The following PRKD1 variants were observed in gnomAD, a reference collection of about 807,000 sequenced individuals.
PRKD1 encodes serine/threonine-protein kinase D1.
Under a neutral mutation model 95.9 loss-of-function variants are expected in PRKD1, and 63 were observed. The ratio of observed to expected loss-of-function variants is 0.66; its 90% CI spans 0.54 to 0.81. The LOEUF (loss-of-function observed/expected upper bound fraction) is 0.81. Among genes scored for constraint, PRKD1 ranks in the 30% least tolerant of loss-of-function variants. PRKD1 has a pLI of 0.00. For synonymous variants in PRKD1, 425 were observed against 423.1 expected (o/e 1.00, Z -0.05); for missense variants, 1,048 against 1,165.3 (o/e 0.90, Z 1.47).
At chr14:29,828,884 C>T (rs1481750256) in intron 1 of PRKD1, among the ~76,000 whole-genome samples, 1 of 152,154 alleles carries the variant, frequency 6.6e-6, no homozygotes, top group African/African-American at 2.4e-5. Context: ...TTGCTTCAGC[C>T]GATAGAATGC....
chr14:29,655,162 GA>G (rs1881762205), intron 4 of PRKD1, among the ~76,000 whole-genome samples: 1 of 152,164 alleles, frequency 6.6e-6, no homozygotes, highest in African/African-American at 2.4e-5. Flanking sequence ...TGAAAGGAAA[GA>G]TACTAATTCA....
intron 13 of PRKD1, among the ~76,000 whole-genome samples, chr14:29,606,559 C>T (rs1893710347): frequency 6.6e-6 from 1 of 152,120 alleles, no homozygotes; most frequent in African/African-American, 2.4e-5. Context: ...TAATATCTAG[C>T]TCTTAATAAG....
chr14:29,683,569 T>C (rs557033362), intron 2 of PRKD1, among the ~76,000 whole-genome samples: 2 of 152,242 alleles, frequency 1.3e-5, no homozygotes, highest in Admixed American at 1.3e-4. Flanking sequence ...GAAGTTCTTC[T>C]GAGCCACGTA....
At chr14:29,584,062 G>A (rs1382847757) in intron 16 of PRKD1, among the ~76,000 whole-genome samples, 5 of 152,146 alleles carry the variant, frequency 3.3e-5, no homozygotes, top group South Asian at 4.1e-4. Flanking sequence ...TATTTGCTAG[G>A]TGCACAAGGA....
At chr14:29,779,474 G>A (rs180938335) in intron 1 of PRKD1, among the ~76,000 whole-genome samples, 26 of 152,178 alleles carry the variant, frequency 1.7e-4, no homozygotes, top group Middle Eastern at 3.4e-3. Flanking sequence ...AAAATCACAA[G>A]CATTCCTATA....
At chr14:29,787,455 T>C (rs1412824360) in intron 1 of PRKD1, among the ~76,000 whole-genome samples, 1 of 152,086 alleles carries the variant, frequency 6.6e-6, no homozygotes, top group Non-Finnish European at 1.5e-5. Context: ...TAGTACTGTA[T>C]TGGAGTCTAT....
intron 1 of PRKD1, among the ~76,000 whole-genome samples, chr14:29,916,035 G>A (rs116465436): frequency 0.016 from 2,428 of 152,272 alleles, 43 homozygotes; most frequent in Middle Eastern, 0.048. Context: ...GTAAATGTCA[G>A]GAAGGTTTTG....
In PRKD1 at chr14:29,632,734, GA is replaced by G. The variant is rs112125640; in HGVS notation, c.1392+134del. On this transcript the variant is annotated intron_variant, in intron 9 of 17. Coordinates refer to ENST00000331968, the MANE Select transcript of PRKD1 (RefSeq NM_002742.3). ...CAAGAAATTTGTAGACTATAGAGAA[GA>G]AAAAAAAAATAGTTCCTGGAGGAAG... 1,838 of 676,372 alleles carry G rather than the reference GA, an allele frequency of 2.7e-3. 1 individual carries two copies. Among genetic ancestry groups the G allele is most frequent in the South Asian group, 4.0e-3 (188 of 47,316 alleles). The allele number at this position is 676,372 out of a possible 1,614,324, so 41.9% of individuals were successfully genotyped here.
intron 2 of PRKD1, among the ~76,000 whole-genome samples, chr14:29,700,445 T>C (rs776310947): frequency 2.6e-5 from 4 of 152,216 alleles, no homozygotes; most frequent in Non-Finnish European, 5.9e-5. Context: ...TGCTGACACG[T>C]AGAAGAAGCC....
At chr14:29,804,713 C>G (rs1178851187) in intron 1 of PRKD1, among the ~76,000 whole-genome samples, 2 of 152,100 alleles carry the variant, frequency 1.3e-5, no homozygotes, top group Non-Finnish European at 2.9e-5. Context: ...CTGAGACAAA[C>G]CTCTCAGTGC....
In PRKD1 at chr14:29,893,481, C is replaced by T. The variant is rs8021678; in HGVS notation, c.264+33768G>A. 9.3e-4 allele frequency among the ~76,000 whole-genome samples: 142 copies of T among 152,022 alleles called. 3 individuals are homozygous for T. The highest frequency in any genetic ancestry group is 3.3e-3 in the African/African-American group (137 of 41,506). On this transcript the variant is annotated intron_variant, in intron 1 of 17. Transcript: ENST00000331968. ...CTCACATATTTGGGCCAAAGCTCTT[C>T]CTACCTTATTTCCACTTGTTAAACG...
intron 1 of PRKD1, among the ~76,000 whole-genome samples, chr14:29,924,099 C>T (rs1206055833): frequency 6.6e-6 from 1 of 152,020 alleles, no homozygotes; most frequent in Non-Finnish European, 1.5e-5. Context: ...CACACACTTG[C>T]AAACTAAATA....
intron 1 of PRKD1, among the ~76,000 whole-genome samples, chr14:29,844,544 T>A (rs1007675092): frequency 5.9e-5 from 9 of 152,060 alleles, no homozygotes; most frequent in African/African-American, 2.2e-4. Context: ...CAAAAATATA[T>A]AAATTCAGTA....
At position 29,676,010 on chromosome 14, in the gene PRKD1, A is replaced by G. The variant is rs1053371906; in HGVS notation, c.404-9802T>C. On this transcript the variant is annotated intron_variant, in intron 2 of 17. Coordinates refer to ENST00000331968, the MANE Select transcript of PRKD1 (RefSeq NM_002742.3). The stretch of plus-strand genomic sequence containing the variant: ...GGGGGGTGGGGGGAGGGATAACATT[A>G]GGAGATATACCTAATGTAAATGACG... 2.7e-5 allele frequency among the ~76,000 whole-genome samples: 4 copies of G among 150,750 alleles called. 1 individual carries two copies. Among genetic ancestry groups the G allele is most frequent in the African/African-American group, 7.3e-5 (3 of 41,076 alleles).
In PRKD1 at chr14:29,725,694, G is replaced by T. The variant is rs756695901; in HGVS notation, c.265-20C>A. The T allele has an allele frequency of 1.2e-6, 2 of 1,608,194 alleles. No individual in the cohort carries two copies. The highest frequency in any genetic ancestry group is 2.2e-5 in the East Asian group (1 of 44,806). ...AGGGAACTGCAAATACAAATACCAT[G>T]AGAGTGTAAATGTCAAAATCCTTCC... is the stretch of plus-strand genomic sequence containing the variant. On this transcript the variant is annotated intron_variant, in intron 1 of 17. Transcript: ENST00000331968.
chr14:29,918,674 T>C (rs1894978105), intron 1 of PRKD1, among the ~76,000 whole-genome samples: 1 of 152,184 alleles, frequency 6.6e-6, no homozygotes, highest in Non-Finnish European at 1.5e-5. Context: ...TGTGAAATAA[T>C]GTCAATACTT....
At chr14:29,713,141 A>C (rs2139361388) in intron 2 of PRKD1, among the ~76,000 whole-genome samples, 1 of 152,218 alleles carries the variant, frequency 6.6e-6, no homozygotes, top group East Asian at 1.9e-4. Context: ...GAAAGAGAGA[A>C]CTGAATATGG....
At chr14:29,796,960 T>A (rs759001792) in intron 1 of PRKD1, among the ~76,000 whole-genome samples, 3 of 152,186 alleles carry the variant, frequency 2.0e-5, no homozygotes, top group Non-Finnish European at 4.4e-5. Context: ...AATGAAAATT[T>A]ATAACAATTA....
intron 1 of PRKD1, among the ~76,000 whole-genome samples, chr14:29,843,931 T>C (rs1336396814): frequency 6.6e-6 from 1 of 152,206 alleles, no homozygotes; most frequent in Non-Finnish European, 1.5e-5. Flanking sequence ...CAATTAAGCA[T>C]GTCAACCTTG....
Sources: allele counts gnomAD v4.1 joint callset (sites outside exome capture counted in the v4.1 genomes callset), GRCh38; gene constraint gnomAD v4.1.1; transcripts MANE v1.5; gene names NCBI Gene and HGNC (gene_info 2026-07-23, HGNC 2026-07-21).